Variants in GRIN2A observed in about 807,000 individuals in gnomAD.
GRIN2A encodes the protein glutamate ionotropic receptor NMDA type subunit 2A, also known as glutamate receptor ionotropic, NMDA 2A.
Under a neutral mutation model 113.4 loss-of-function variants are expected in GRIN2A, and 22 were observed. That is an observed-to-expected ratio of 0.19 (90% CI 0.14 to 0.28). The LOEUF (loss-of-function observed/expected upper bound fraction) is 0.28. Among genes scored for constraint, GRIN2A ranks in the 10% least tolerant of loss-of-function variants. The probability of loss-of-function intolerance (pLI) is 1.00; values close to 1 mark genes in which losing one functional copy is unlikely to be tolerated. For missense variants in GRIN2A, 1,502 were observed against 1,887.0 expected (o/e 0.80, Z 3.78); for synonymous variants, 827 against 738.4 (o/e 1.12, Z -1.94).
chr16:9,992,503 C>A (rs573551186), intron 2 of GRIN2A, among the ~76,000 whole-genome samples: 1 of 152,294 alleles, frequency 6.6e-6, no homozygotes, highest in Admixed American at 6.5e-5. Flanking sequence ...TTTCTCAGTT[C>A]CCAAAGTTAA....
chr16:10,023,357 T>A (rs946267198), intron 2 of GRIN2A, among the ~76,000 whole-genome samples: 1 of 152,224 alleles, frequency 6.6e-6, no homozygotes, highest in African/African-American at 2.4e-5. Context: ...AGTGGTTGTG[T>A]CTGTATATAT....
intron 2 of GRIN2A, among the ~76,000 whole-genome samples, chr16:10,147,037 G>A (rs74006787): frequency 0.038 from 5,803 of 152,054 alleles, 304 homozygotes; most frequent in African/African-American, 0.11. Context: ...AGGCCACCCA[G>A]GTACCATGTG....
At chr16:9,910,117 T>C (rs890115418) in intron 3 of GRIN2A, among the ~76,000 whole-genome samples, 14 of 152,210 alleles carry the variant, frequency 9.2e-5, no homozygotes, top group Admixed American at 1.3e-4. Context: ...TTGATGGACA[T>C]CTAGGTTTAC....
intron 4 of GRIN2A, among the ~76,000 whole-genome samples, chr16:9,868,413 C>T (rs755805593): frequency 6.6e-6 from 1 of 152,056 alleles, no homozygotes; most frequent in Non-Finnish European, 1.5e-5. Flanking sequence ...ATTACAAGTG[C>T]GCACTACCAC....
intron 2 of GRIN2A, among the ~76,000 whole-genome samples, chr16:10,045,966 T>G (rs887555319): frequency 2.0e-5 from 3 of 152,236 alleles, no homozygotes; most frequent in Admixed American, 6.5e-5. Context: ...GGTCCCTACA[T>G]GCTGATATTA....
At chr16:10,107,672 C>A (rs2048525312) in intron 2 of GRIN2A, among the ~76,000 whole-genome samples, 1 of 152,218 alleles carries the variant, frequency 6.6e-6, no homozygotes, top group African/African-American at 2.4e-5. Flanking sequence ...CTGGGAATCC[C>A]AGCAGTTTAG....
At chr16:10,161,644 C>T (rs529910895) in intron 2 of GRIN2A, among the ~76,000 whole-genome samples, 10 of 152,268 alleles carry the variant, frequency 6.6e-5, no homozygotes, top group African/African-American at 2.2e-4. Flanking sequence ...CAAATTACCA[C>T]CAATTTAGTG....
At chr16:10,159,490 T>C (rs1243552494) in intron 2 of GRIN2A, among the ~76,000 whole-genome samples, 1 of 152,158 alleles carries the variant, frequency 6.6e-6, no homozygotes. Flanking sequence ...GCTGATGGGA[T>C]GCTTGGAGGG....
At chr16:9,930,122 T>G (rs1194785780) in intron 3 of GRIN2A, among the ~76,000 whole-genome samples, 1 of 152,144 alleles carries the variant, frequency 6.6e-6, no homozygotes, top group Non-Finnish European at 1.5e-5. Context: ...GTTGACTTAG[T>G]GCTCAGGCTG....
intron 2 of GRIN2A, among the ~76,000 whole-genome samples, chr16:9,990,906 A>C (rs1867242093): frequency 6.6e-6 from 1 of 152,048 alleles, no homozygotes; most frequent in African/African-American, 2.4e-5. Context: ...CTCTCTACTA[A>C]AAATACAAAA....
intron 2 of GRIN2A, among the ~76,000 whole-genome samples, chr16:10,006,919 A>G (rs1596409936): frequency 6.6e-6 from 1 of 152,214 alleles, no homozygotes; most frequent in African/African-American, 2.4e-5. Flanking sequence ...TTCACTTAAC[A>G]TAGTGACCTT....
At chr16:9,988,546 C>A (rs577216300) in intron 2 of GRIN2A, among the ~76,000 whole-genome samples, 2 of 151,008 alleles carry the variant, frequency 1.3e-5, no homozygotes, top group Non-Finnish European at 3.0e-5. Context: ...CAATTAATCT[C>A]TCTCTCTCTC....
intron 2 of GRIN2A, among the ~76,000 whole-genome samples, chr16:10,157,335 C>T (rs1380617466): frequency 1.3e-5 from 2 of 152,158 alleles, no homozygotes; most frequent in Non-Finnish European, 2.9e-5. Context: ...ATCTTTCAAT[C>T]CTTCTAATTA....
intron 2 of GRIN2A, among the ~76,000 whole-genome samples, chr16:10,166,543 C>T (rs1318378782): frequency 6.6e-6 from 1 of 152,186 alleles, no homozygotes; most frequent in African/African-American, 2.4e-5. Flanking sequence ...ACCCTCAGAC[C>T]TGTGGATGAA....
rs1462511588 is a variant in GRIN2A, at chr16:9,764,193, G to C, written c.3351C>G (p.Ile1117Met). ...KTKSSSPRDK[I>M]YTIDGEKEPG... is the part of the protein sequence containing the mutation. Reference sequence around the variant, plus strand: ...GCTCCTTCTCACCATCTATAGTGTAGATCTTGTCTCTAGGGGAGCTTGATT... The same window carrying C: ...GCTCCTTCTCACCATCTATAGTGTACATCTTGTCTCTAGGGGAGCTTGATT... The change falls in exon 13 of 13, where the codon ATC (isoleucine) becomes ATG (methionine). Residue 1117 changes from isoleucine to methionine, a missense_variant. Physicochemically the swap from Ile to Met is conservative, Grantham distance 10. This residue lies in a region of GRIN2A where 832 missense variants were observed against 789.7 expected (regional missense o/e 1.05). Coordinates refer to ENST00000330684, the MANE Select transcript of GRIN2A (RefSeq NM_001134407.3). The C allele has an allele frequency of 6.2e-7, 1 of 1,613,640 alleles. No individual in the cohort carries two copies. The highest frequency in any genetic ancestry group is 1.3e-5 in the African/African-American group (1 of 74,800).
chr16:10,096,960 C>A (rs1596501324), intron 2 of GRIN2A, among the ~76,000 whole-genome samples: 1 of 152,182 alleles, frequency 6.6e-6, no homozygotes, highest in Non-Finnish European at 1.5e-5. Context: ...GGCTATAGCA[C>A]GGGTGTTAGC....
intron 3 of GRIN2A, among the ~76,000 whole-genome samples, chr16:9,903,756 CTTTA>C (rs1434754284): frequency 6.6e-6 from 1 of 152,218 alleles, no homozygotes; most frequent in African/African-American, 2.4e-5. Flanking sequence ...AGGGCACCTT[CTTTA>C]TTTATGTTGG....
At chr16:9,825,365 CAATG>C (rs1276436113) in intron 9 of GRIN2A, among the ~76,000 whole-genome samples, 6 of 152,156 alleles carry the variant, frequency 3.9e-5, no homozygotes, top group Admixed American at 6.6e-5. Flanking sequence ...TTCAGCCAAA[CAATG>C]AAGCCTGTCT....
intron 10 of GRIN2A, among the ~76,000 whole-genome samples, chr16:9,801,152 C>G (rs1903338727): frequency 6.6e-6 from 1 of 152,138 alleles, no homozygotes; most frequent in African/African-American, 2.4e-5. Flanking sequence ...CTGTGGCTAT[C>G]CATAGGGAAA....
Sources: allele counts gnomAD v4.1 joint callset (sites outside exome capture counted in the v4.1 genomes callset), GRCh38; gene constraint gnomAD v4.1.1; regional missense constraint gnomAD v4.1.1; transcripts MANE v1.5; gene names NCBI Gene and HGNC (gene_info 2026-07-23, HGNC 2026-07-21).